PKP1: variants seen among roughly 807,000 people sequenced by gnomAD.
The protein encoded by PKP1 is plakophilin 1, also known as plakophilin-1.
Under a neutral mutation model 76.4 loss-of-function variants are expected in PKP1, and 27 were observed. The observed-to-expected ratio is 0.35, with a 90% CI of 0.26 to 0.49. PKP1 has a LOEUF of 0.49. PKP1 is among the 20% of genes least tolerant of loss of function. The probability of loss-of-function intolerance (pLI) is 0.99; values close to 1 mark genes in which losing one functional copy is unlikely to be tolerated. For synonymous variants in PKP1, 404 were observed against 384.2 expected, an observed-to-expected ratio of 1.05 and a Z score of -0.60; for missense variants, 964 against 955.2, an observed-to-expected ratio of 1.01 and a Z score of -0.12.
Position 201,325,800 on chromosome 1 carries a change from A to G in PKP1, c.2068A>G (p.Met690Val). ...AGCTGCCCGGCTTCTCCTGTCTGAC[A>G]TGTGGTCCAGCAAGGAACTGCAGGG... ...AEAARLLLSD[M>V]WSSKELQGVL... The change falls in exon 12 of 14, where the codon ATG (methionine) becomes GTG (valine). Residue 690 changes from methionine to valine, a missense_variant. Met to Val is a conservative substitution (Grantham distance 21, BLOSUM62 1). Transcript: ENST00000367324. The G allele has an allele frequency of 6.2e-7, 1 of 1,613,972 alleles. No homozygotes were observed. Among genetic ancestry groups the G allele is most frequent in the Non-Finnish European group, 8.5e-7 (1 of 1,179,912 alleles).
intron 6 of PKP1, 86 bp from the exon 7 acceptor site, chr1:201,320,181 G>C: frequency 1.2e-6 from 1 of 832,458 alleles, no homozygotes; most frequent in Non-Finnish European, 2.0e-6. Context: ...TCTCCTGCCT[G>C]TCCCCCACCA....
Position 201,317,783 on chromosome 1 carries a change from G to A in PKP1, c.1054+4G>A, listed in dbSNP as rs763458496. 6.8e-6 allele frequency: 11 copies of A among 1,610,708 alleles called. No homozygotes were observed. The highest frequency in any genetic ancestry group is 9.3e-6 in the Non-Finnish European group (11 of 1,178,952). The stretch of plus-strand genomic sequence containing the variant: ...GAGATCCAGAAGCAGCTGACTGGTA[G>A]GACAACACGGCCACCGAGAGCCAGC... On this transcript the variant is annotated splice_donor_region_variant and intron_variant, in intron 5 of 13. Transcript: ENST00000367324.
chr1:201,287,302 G>A (rs555078025), intron 1 of PKP1, among the ~76,000 whole-genome samples: 1 of 152,244 alleles, frequency 6.6e-6, no homozygotes, highest in South Asian at 2.1e-4. Context: ...GGGAGAGGGG[G>A]GCATGCTTGT....
intron 2 of PKP1, among the ~76,000 whole-genome samples, chr1:201,309,609 A>C (rs528636065): frequency 6.6e-6 from 1 of 152,250 alleles, no homozygotes; most frequent in East Asian, 1.9e-4. Flanking sequence ...AGACGCTGCC[A>C]GCAGATTGCT....
At position 201,313,489 on chromosome 1, in the gene PKP1, G is replaced by A. The variant is rs777972758; in HGVS notation, c.630G>A (p.Gln210=). 2 of 1,613,900 alleles carry A rather than the reference G, an allele frequency of 1.2e-6. No homozygotes were observed. The highest frequency in any genetic ancestry group is 1.1e-5 in the South Asian group (1 of 90,954). The change falls in exon 3 of 14, where the codon CAG becomes CAA. Residue 210 remains glutamine (Q), a synonymous_variant. Transcript: ENST00000367324. ...PVRPPSCASK[Q]DPVYIPPISC... is the part of the protein sequence containing the mutation. ...GCCCGCCCTCTTGTGCCTCCAAGCA[G>A]GACCCTGTGTATATCCCGCCCATCT...
At chr1:201,308,635 C>T (rs1281334607) in intron 2 of PKP1, among the ~76,000 whole-genome samples, 2 of 151,694 alleles carry the variant, frequency 1.3e-5, no homozygotes, top group Non-Finnish European at 1.5e-5. Context: ...GGTGGAGGAG[C>T]ATCTGAACAG....
intron 2 of PKP1, among the ~76,000 whole-genome samples, chr1:201,307,408 TCCCATCTGTTGTGACTCAGG>T (rs1261542913): frequency 5.2e-4 from 79 of 152,276 alleles, no homozygotes; most frequent in Admixed American, 1.5e-3. Flanking sequence ...CCTGCTGAAG[TCCCATCTGTTGTGACTCAGG>T]CCTCAGTGGT....
In PKP1 at chr1:201,289,112, C is replaced by G. The variant is rs1655825217; in HGVS notation, c.203-4830C>G. 3.3e-5 allele frequency among the ~76,000 whole-genome samples: 5 copies of G among 152,318 alleles called. No individual in the cohort carries two copies. In the South Asian group the frequency reaches 1.0e-3, roughly 32 times the overall value. ...GCAGCCCAGCAGAGGGGGCAGGAGG[C>G]TGGCCAGCCCAGTCCTCCCTCCAGG... On this transcript the variant is annotated intron_variant, in intron 1 of 13. Transcript: ENST00000367324.
rs1427597601 is a variant in PKP1, at chr1:201,330,223, G to A, written c.*182G>A. The stretch of plus-strand genomic sequence containing the variant: ...AGATTTTTAGATTTTTTTTTTCCTT[G>A]GGGAAACTGGCAGGCAATGGGGGTT... On this transcript the variant is annotated 3_prime_UTR_variant, in exon 14 of 14. Coordinates refer to ENST00000367324, the MANE Select transcript of PKP1 (RefSeq NM_001005337.3). The A allele has an allele frequency of 7.3e-5, 11 of 151,344 alleles. No homozygotes were observed. Among genetic ancestry groups the A allele is most frequent in the Admixed American group, 5.9e-4 (9 of 15,216 alleles). The allele number at this position is 151,344 out of a possible 1,614,324, so 9.4% of individuals were successfully genotyped here.
intron 2 of PKP1, among the ~76,000 whole-genome samples, chr1:201,309,193 T>C (rs898819215): frequency 3.3e-5 from 5 of 151,652 alleles, no homozygotes; most frequent in African/African-American, 1.2e-4. Flanking sequence ...AAAGGAGGGG[T>C]TGGCCTCTGA....
chr1:201,309,924 A>T (rs1054312674), intron 2 of PKP1, among the ~76,000 whole-genome samples: 4 of 152,196 alleles, frequency 2.6e-5, no homozygotes. Context: ...ATTCATCATA[A>T]AGCCTGGCTT....
chr1:201,289,213 G>A (rs1655828617), intron 1 of PKP1, among the ~76,000 whole-genome samples: 1 of 152,198 alleles, frequency 6.6e-6, no homozygotes, highest in Non-Finnish European at 1.5e-5. Context: ...CTCAGCAGTA[G>A]CTTCCTGGCA....
intron 2 of PKP1, among the ~76,000 whole-genome samples, chr1:201,310,005 G>A (rs1656492152): frequency 1.3e-5 from 2 of 152,226 alleles, no homozygotes; most frequent in African/African-American, 4.8e-5. Flanking sequence ...CCCATTCTAT[G>A]TCTGTGGGGT....
At chr1:201,307,351 G>A (rs1656399490) in intron 2 of PKP1, among the ~76,000 whole-genome samples, 1 of 152,218 alleles carries the variant, frequency 6.6e-6, no homozygotes, top group Admixed American at 6.5e-5. Context: ...GCTTCTCAGA[G>A]AAGGAGCCGT....
chr1:201,304,701 G>A (rs777075853), intron 2 of PKP1, among the ~76,000 whole-genome samples: 1 of 152,214 alleles, frequency 6.6e-6, no homozygotes, highest in Non-Finnish European at 1.5e-5. Flanking sequence ...AGTTTCTGTA[G>A]AGGGCCCCCT....
chr1:201,312,394 G>A (rs1656582386), intron 2 of PKP1, among the ~76,000 whole-genome samples: 1 of 152,204 alleles, frequency 6.6e-6, no homozygotes, highest in Non-Finnish European at 1.5e-5. Flanking sequence ...AGGGCTTGGA[G>A]ACCCAGACTC....
chr1:201,316,523 G>A (rs201878524), intron 3 of PKP1, 30 bp from the exon 4 acceptor site: 36 of 1,578,664 alleles, frequency 2.3e-5, no homozygotes, highest in Middle Eastern at 2.0e-4. Flanking sequence ...AGCCCACCCC[G>A]TAACCACCCC....
chr1:201,287,030 C>T (rs569350455), intron 1 of PKP1, among the ~76,000 whole-genome samples: 2 of 152,328 alleles, frequency 1.3e-5, no homozygotes, highest in African/African-American at 4.8e-5. Flanking sequence ...TTCACCTGTC[C>T]TGTCTCCTTC....
At chr1:201,315,183 C>T (rs1656688512) in intron 3 of PKP1, among the ~76,000 whole-genome samples, 1 of 152,210 alleles carries the variant, frequency 6.6e-6, no homozygotes, top group Admixed American at 6.5e-5. Flanking sequence ...CAACCAGAGG[C>T]CCTGAGTGGA....
Sources: gnomAD v4.1 joint callset for allele counts (sites outside exome capture counted in the v4.1 genomes callset) on GRCh38, gnomAD v4.1.1 for gene constraint, MANE v1.5 for transcripts, NCBI Gene and HGNC (gene_info 2026-07-23, HGNC 2026-07-21) for gene names.